The following FOCAD variants were observed in gnomAD, a reference collection of about 807,000 sequenced individuals.
The protein encoded by FOCAD is focadhesin, also known as KIAA1797.
In FOCAD, 198 loss-of-function variants were observed where a neutral mutation model predicts 225.6. That is an observed-to-expected ratio of 0.88 (90% CI 0.78 to 0.99). FOCAD has a LOEUF of 0.99. Among genes scored for constraint, FOCAD ranks in the 50% least tolerant of loss-of-function variants. The pLI, the probability that FOCAD is intolerant of heterozygous loss-of-function variation, is 0.00. For synonymous variants in FOCAD, 897 were observed against 755.0 expected (o/e 1.19, Z -3.08); for missense variants, 2,713 against 2,123.6 (o/e 1.28, Z -5.46).
intron 37 of FOCAD, among the ~76,000 whole-genome samples, chr9:20,979,202 C>A (rs1840471705): frequency 6.6e-6 from 1 of 152,190 alleles, no homozygotes; most frequent in Non-Finnish European, 1.5e-5. Flanking sequence ...AAGTTAAATG[C>A]TGTCATCTTT....
chr9:20,763,991 C>A (rs955177115), intron 6 of FOCAD, among the ~76,000 whole-genome samples: 2 of 151,984 alleles, frequency 1.3e-5, no homozygotes, highest in African/African-American at 4.8e-5. Flanking sequence ...TTTCTTTATC[C>A]GTGTTATAAG....
intron 43 of FOCAD, among the ~76,000 whole-genome samples, chr9:20,994,481 T>C (rs2132730520): frequency 6.6e-6 from 1 of 152,330 alleles, no homozygotes; most frequent in South Asian, 2.1e-4. Context: ...CTGGAGTCAG[T>C]GTATGATCCA....
At chr9:20,762,080 A>G (rs1481715861) in intron 6 of FOCAD, among the ~76,000 whole-genome samples, 1 of 152,196 alleles carries the variant, frequency 6.6e-6, no homozygotes, top group Admixed American at 6.5e-5. Flanking sequence ...ATTTCTTTAT[A>G]TGAACCTTAC....
At chr9:20,668,951 C>A (rs994453602) in intron 2 of FOCAD, among the ~76,000 whole-genome samples, 1 of 151,968 alleles carries the variant, frequency 6.6e-6, no homozygotes, top group Non-Finnish European at 1.5e-5. Context: ...CCTCCCCACC[C>A]ATCTCTGGGC....
intron 15 of FOCAD, among the ~76,000 whole-genome samples, chr9:20,825,451 G>A (rs192590706): frequency 1.1e-4 from 16 of 152,132 alleles, no homozygotes; most frequent in Admixed American, 5.2e-4. Flanking sequence ...TTTCCTGGTG[G>A]CATTTGGTAA....
intron 1 of FOCAD, among the ~76,000 whole-genome samples, chr9:20,703,942 C>T (rs1220480671): frequency 6.6e-6 from 1 of 152,222 alleles, no homozygotes; most frequent in Non-Finnish European, 1.5e-5. Flanking sequence ...GTTCCCTCCT[C>T]CCTTTAGCCC....
Position 20,679,121 on chromosome 9 carries a change from ATGTGTGTGTGTGTGTGTGTGTGTGTG to A in FOCAD, c.-77-15373_-77-15348del, listed in dbSNP as rs539231126. On this transcript the variant is annotated intron_variant, in intron 2 of 45. Transcript: ENST00000380249. The stretch of plus-strand genomic sequence containing the variant: ...CAAAGGGGCAACAGACAGTCTGTGT[ATGTGTGTGTGTGTGTGTGTGTGTGTG>A]TGTGTGTGTGTGTGTGTGTGTGTGT... 1.5e-3 allele frequency among the ~76,000 whole-genome samples: 178 copies of A among 122,042 alleles called. 1 individual carries two copies. Among genetic ancestry groups the A allele is most frequent in the African/African-American group, 5.1e-3 (169 of 32,906 alleles). 80.1% of individuals were successfully genotyped at this position (122,042 alleles called of 152,430 possible).
intron 33 of FOCAD, 34 bp from the exon 34 acceptor site, chr9:20,950,962 T>C: frequency 1.3e-6 from 2 of 1,555,388 alleles, no homozygotes; most frequent in Non-Finnish European, 1.8e-6. Context: ...TTGGATCTTA[T>C]CCCATCATTG....
chr9:20,991,737 C>T (rs1841687650), intron 42 of FOCAD, among the ~76,000 whole-genome samples: 1 of 145,086 alleles, frequency 6.9e-6, no homozygotes, highest in Non-Finnish European at 1.5e-5. Context: ...CGCTTGAACG[C>T]AGGAGGCGGA....
chr9:20,895,542 T>C (rs771004001), intron 21 of FOCAD, among the ~76,000 whole-genome samples: 7 of 151,378 alleles, frequency 4.6e-5, no homozygotes, highest in Non-Finnish European at 8.9e-5. Context: ...TACACACACA[T>C]ATATATATGT....
chr9:20,936,829 C>T (rs911527038), intron 28 of FOCAD, among the ~76,000 whole-genome samples: 11 of 152,128 alleles, frequency 7.2e-5, no homozygotes, highest in Admixed American at 2.0e-4. Context: ...CTAGAAAACC[C>T]CATCGTGTCA....
intron 11 of FOCAD, among the ~76,000 whole-genome samples, chr9:20,795,612 G>A (rs999769831): frequency 6.6e-6 from 1 of 151,668 alleles, no homozygotes; most frequent in African/African-American, 2.4e-5. Context: ...GTGAAACCCC[G>A]TCTCTACTAA....
intron 15 of FOCAD, among the ~76,000 whole-genome samples, chr9:20,850,362 CAG>C (rs1379520546): frequency 6.6e-6 from 1 of 151,444 alleles, no homozygotes; most frequent in East Asian, 1.9e-4. Flanking sequence ...TGTCACATGA[CAG>C]AAATACACTG....
Position 20,714,670 on chromosome 9 carries a change from TC to T in FOCAD, c.-32-650del, listed in dbSNP as rs1563905640. 2.0e-3 allele frequency among the ~76,000 whole-genome samples: 301 copies of T among 148,434 alleles called. 2 individuals carry two copies. The highest frequency in any genetic ancestry group is 7.2e-3 in the African/African-American group (279 of 38,956). On this transcript the variant is annotated intron_variant, in intron 1 of 43. Coordinates refer to ENST00000338382, the MANE Select transcript of FOCAD (RefSeq NM_001375567.1). Reference sequence around the variant, plus strand: ...TTCCTTCCTTCCTTCCTTCCTTCCTTCCTTCCTTCCTTCCTTCCTTCCTTCC... The same window carrying T: ...TTCCTTCCTTCCTTCCTTCCTTCCTTCTTCCTTCCTTCCTTCCTTCCTTCC...
intron 19 of FOCAD, among the ~76,000 whole-genome samples, chr9:20,879,077 A>G (rs1470228136): frequency 1.3e-5 from 2 of 152,096 alleles, no homozygotes; most frequent in Admixed American, 6.6e-5. Flanking sequence ...CTCTGGAAAT[A>G]CCCTCACAAC....
chr9:20,833,260 C>T (rs1476363918), intron 15 of FOCAD, among the ~76,000 whole-genome samples: 1 of 151,866 alleles, frequency 6.6e-6, no homozygotes, highest in Non-Finnish European at 1.5e-5. Context: ...TGATGTTGAG[C>T]AATAGGTATC....
chr9:20,740,488 G>A, intron 5 of FOCAD, 148 bp downstream of exon 5: 1 of 502,264 alleles, frequency 2.0e-6, no homozygotes, highest in African/African-American at 2.0e-5. Flanking sequence ...CAGGAAGTTA[G>A]CGTTTCAAAG....
chr9:20,894,347 C>A (rs548163828), intron 21 of FOCAD, among the ~76,000 whole-genome samples: 2 of 152,070 alleles, frequency 1.3e-5, no homozygotes, highest in South Asian at 4.1e-4. Flanking sequence ...CATCTTTGTG[C>A]AGAATTTTGT....
chr9:20,946,623 A>G, intron 29 of FOCAD, 78 bp from the exon 30 acceptor site: 1 of 1,497,018 alleles, frequency 6.7e-7, no homozygotes. Flanking sequence ...GGAGTTTGAC[A>G]GAATATCTTG....
Sources: gnomAD v4.1 joint callset for allele counts (sites outside exome capture counted in the v4.1 genomes callset) on GRCh38, gnomAD v4.1.1 for gene constraint, MANE v1.5 for transcripts, NCBI Gene and HGNC (gene_info 2026-07-23, HGNC 2026-07-21) for gene names.